The following TRIM36 variants were observed in gnomAD, a reference collection of about 807,000 sequenced individuals.
TRIM36 encodes the protein E3 ubiquitin-protein ligase TRIM36.
Under a neutral mutation model 72.4 loss-of-function variants are expected in TRIM36, and 42 were observed. That is an observed-to-expected ratio of 0.58 (90% CI 0.45 to 0.75). The LOEUF is 0.75. Ranked by LOEUF, TRIM36 falls within the 30% of genes least tolerant of loss-of-function variation. The pLI is 0.00. For missense variants in TRIM36, 913 were observed against 857.1 expected (o/e 1.07, Z -0.81); for synonymous variants, 315 against 282.8 (o/e 1.11, Z -1.14).
chr5:115,155,258 G>GA (rs1443566357), intron 2 of TRIM36, among the ~76,000 whole-genome samples: 1 of 152,152 alleles, frequency 6.6e-6, no homozygotes, highest in Non-Finnish European at 1.5e-5. Context: ...TGAGACAGGA[G>GA]AATCGCTTGA....
chr5:115,149,749 A>G (rs1261735113), intron 2 of TRIM36: 2 of 151,014 alleles, frequency 1.3e-5, no homozygotes, highest in Non-Finnish European at 2.9e-5. Flanking sequence ...CTATCTTTCT[A>G]AACAGATCTT....
At chr5:115,168,947 G>A (rs1754933234) in intron 1 of TRIM36, 1 of 152,160 alleles carries the variant, frequency 6.6e-6, no homozygotes, top group Non-Finnish European at 1.5e-5. Flanking sequence ...TAATCACAAT[G>A]GACATAAAGT....
At chr5:115,145,118 A>G (rs12109343) in intron 3 of TRIM36, among the ~76,000 whole-genome samples, 7,321 of 152,218 alleles carry the variant, frequency 0.048, 646 homozygotes, top group African/African-American at 0.17. Context: ...ACACTGATGA[A>G]GCAATTCTTA....
At position 115,134,139 on chromosome 5, in the gene TRIM36, C is replaced by T. The variant is rs147215007; in HGVS notation, c.1219G>A (p.Val407Met). The T allele has an allele frequency of 2.0e-3, 3,145 of 1,560,608 alleles. 6 individuals carry two copies. Among genetic ancestry groups the T allele is most frequent in the Non-Finnish European group, 2.1e-3 (2,388 of 1,156,382 alleles). ...ELSFFSSGIDVPEINEEQSKV... is the reference protein window; with the variant it reads ...ELSFFSSGIDMPEINEEQSKV... ...CTCTGTTCCTCATTGATCTCTGGCA[C>T]GTCTATGCCTGAAAGAATTATGAAA... Residue 407 changes from valine (V) to methionine (M), a missense_variant, in exon 8 of 10, where the codon GTG becomes ATG. Val to Met is a conservative substitution (Grantham distance 21, BLOSUM62 1). Transcript: ENST00000513154.
intron 2 of TRIM36, among the ~76,000 whole-genome samples, chr5:115,150,880 T>C (rs1245962946): frequency 1.3e-5 from 2 of 152,188 alleles, no homozygotes; most frequent in Non-Finnish European, 2.9e-5. Flanking sequence ...GGAAAACCCC[T>C]GGAAGCTCAC....
At chr5:115,147,918 A>G (rs1753680850) in intron 2 of TRIM36, among the ~76,000 whole-genome samples, 1 of 152,230 alleles carries the variant, frequency 6.6e-6, no homozygotes, top group Non-Finnish European at 1.5e-5. Flanking sequence ...ATACATATAC[A>G]TATTTACTGG....
At chr5:115,172,522 G>A (rs1344871498), upstream of TRIM36, among the ~76,000 whole-genome samples, 1 of 152,134 alleles carries the variant, frequency 6.6e-6, no homozygotes, top group Non-Finnish European at 1.5e-5. Flanking sequence ...GATCACCTGA[G>A]GTCGGGAATT....
Position 115,137,103 on chromosome 5 carries a change from A to C in TRIM36, c.1107T>G (p.Ser369=). ...GAGCTGCAGGTCTAAAGCTCTTCAA[A>C]GATTCTGTGGCTTTCTGTATTCTGC... ...LHLRIQKATE[S]LKSFRPAAQT... Residue 369 remains serine, a synonymous_variant, in exon 7 of 10, where the codon TCT becomes TCG. Coordinates refer to ENST00000513154, the MANE Select transcript of TRIM36 (RefSeq NM_001300759.2). 6.2e-7 allele frequency: 1 copy of C among 1,604,508 alleles called. No individual in the cohort carries two copies. The highest frequency in any genetic ancestry group is 8.5e-7 in the Non-Finnish European group (1 of 1,176,956).
At chr5:115,141,163 T>C (rs1377918583) in intron 5 of TRIM36, 116 bp downstream of exon 5, 3 of 729,308 alleles carry the variant, frequency 4.1e-6, no homozygotes, top group Non-Finnish European at 6.6e-6. Flanking sequence ...GGGTGAAATC[T>C]AACACAACTT....
chr5:115,126,157 A>G lies in TRIM36; in HGVS notation c.*346T>C. ...ATGAAAAGTCAAACAGAAGAGAATC[A>G]TAATAAATACTTTTGTATCCCCCCC... is the stretch of plus-strand genomic sequence containing the variant. On this transcript the variant is annotated 3_prime_UTR_variant, in exon 10 of 10. Coordinates refer to ENST00000513154, the MANE Select transcript of TRIM36 (RefSeq NM_001300759.2). The G allele has an allele frequency of 4.9e-6, 1 of 205,006 alleles. No homozygotes were observed. Among genetic ancestry groups the G allele is most frequent in the Non-Finnish European group, 9.9e-6 (1 of 101,150 alleles). 12.7% of individuals were successfully genotyped at this position (205,006 alleles called of 1,614,324 possible).
At chr5:115,128,981 T>C (rs923581289) in intron 9 of TRIM36, among the ~76,000 whole-genome samples, 3 of 152,076 alleles carry the variant, frequency 2.0e-5, no homozygotes, top group African/African-American at 7.2e-5. Context: ...AAGTACCCTA[T>C]AGAAGTATAC....
chr5:115,157,673 A>G (rs1224080350), intron 2 of TRIM36, among the ~76,000 whole-genome samples: 4 of 152,208 alleles, frequency 2.6e-5, no homozygotes, highest in African/African-American at 7.2e-5. Flanking sequence ...ACTTGCACAC[A>G]TATGTTTATG....
At chr5:115,139,717 T>C (rs1753171894) in intron 5 of TRIM36, among the ~76,000 whole-genome samples, 1 of 152,162 alleles carries the variant, frequency 6.6e-6, no homozygotes, top group African/African-American at 2.4e-5. Context: ...ATGTCGAGAA[T>C]GGAGGCAAGT....
intron 2 of TRIM36, among the ~76,000 whole-genome samples, chr5:115,150,777 A>C (rs1753848195): frequency 6.6e-6 from 1 of 152,204 alleles, no homozygotes; most frequent in South Asian, 2.1e-4. Flanking sequence ...CCACTGGGGA[A>C]ACTGAAGACC....
chr5:115,180,006 C>G (rs1036748327), exon 1 of TRIM36: 1 of 1,614,124 alleles, frequency 6.2e-7, no homozygotes. Flanking sequence ...CATGATGTAG[C>G]CAAATTCACT....
At position 115,147,485 on chromosome 5, in the gene TRIM36, C is replaced by G. The variant is rs551517573; in HGVS notation, c.263-91G>C. The G allele has an allele frequency of 4.4e-6, 6 of 1,360,426 alleles. No individual in the cohort carries two copies. The East Asian group carries it at 7.0e-5, about 16-fold the overall frequency. 84.3% of individuals were successfully genotyped at this position (1,360,426 alleles called of 1,614,324 possible). ...GAGTCATGTCTTAGAGACATATCTACAAATGTATCACAAAAACAGTATCCG... is the reference window on the plus strand; with the variant it reads ...GAGTCATGTCTTAGAGACATATCTAGAAATGTATCACAAAAACAGTATCCG... On this transcript the variant is annotated intron_variant, in intron 2 of 9. Coordinates refer to ENST00000513154, the MANE Select transcript of TRIM36 (RefSeq NM_001300759.2).
intron 9 of TRIM36, 39 bp from the exon 10 acceptor site, chr5:115,126,896 G>C: frequency 6.5e-7 from 1 of 1,533,046 alleles, no homozygotes. Context: ...TTCAACAATA[G>C]ATCTAAGTAT....
chr5:115,158,991 C>G (rs192075793), intron 2 of TRIM36, among the ~76,000 whole-genome samples: 1 of 152,226 alleles, frequency 6.6e-6, no homozygotes, highest in East Asian at 1.9e-4. Flanking sequence ...CACCAGCATT[C>G]CATTAAAAAG....
intron 1 of TRIM36, among the ~76,000 whole-genome samples, chr5:115,164,265 T>A (rs1274978202): frequency 6.6e-6 from 1 of 152,220 alleles, no homozygotes; most frequent in East Asian, 1.9e-4. Context: ...ATCAGCAATT[T>A]TCTACATTAA....
Sources: allele counts gnomAD v4.1 joint callset (sites outside exome capture counted in the v4.1 genomes callset), GRCh38; gene constraint gnomAD v4.1.1; transcripts MANE v1.5; gene names NCBI Gene and HGNC (gene_info 2026-07-23, HGNC 2026-07-21).